The following ZNF827 variants were observed in gnomAD, a reference collection of about 807,000 sequenced individuals.
The protein encoded by ZNF827 is zinc finger protein 827.
A neutral mutation model predicts 102.4 loss-of-function variants in ZNF827; 13 were observed. The observed-to-expected ratio is 0.13, with a 90% CI of 0.08 to 0.20. The LOEUF (loss-of-function observed/expected upper bound fraction) is 0.20, where lower values mean the gene tolerates loss of function less well. Among genes scored for constraint, ZNF827 ranks in the 10% least tolerant of loss-of-function variants. The pLI is 1.00. For missense variants in ZNF827, 1,103 were observed against 1,344.4 expected (o/e 0.82, Z 2.81); for synonymous variants, 523 against 536.2 (o/e 0.98, Z 0.34).
chr4:145,878,559 AGACAGGACAGGACAG>A (rs1215402706), intron 4 of ZNF827, among the ~76,000 whole-genome samples: 9 of 123,744 alleles, frequency 7.3e-5, no homozygotes, highest in Middle Eastern at 4.1e-3. Context: ...AAAAAAGACA[AGACAGGACAGGACAG>A]GACAGGACAG....
rs909093690 is a variant in ZNF827, at chr4:145,902,428, G to C, written c.831C>G (p.Ser277=). The change falls in exon 2 of 15, where the codon TCC becomes TCG. Residue 277 remains serine, a synonymous_variant. Coordinates refer to ENST00000508784, the MANE Select transcript of ZNF827 (RefSeq NM_001306215.2). The surrounding 1 kb of genome is among the most constrained non-coding windows in gnomAD (Gnocchi z 4.3). The part of the protein sequence containing the change: ...PGQEHPPPAS[S]FLSLASMTSS... ...AGGTCATAGAAGCCAGGGAAAGGAA[G>C]GAGCTGGCCGGTGGAGGGTGCTCCT... The C allele has an allele frequency of 3.1e-6, 5 of 1,614,206 alleles. No homozygotes were observed. The East Asian group carries it at 8.9e-5, about 29-fold the overall frequency.
rs1477968283 is a variant in ZNF827 at position 145,834,637 on chromosome 4, T to C, written c.2280-11112A>G. Reference sequence around the variant, plus strand: ...AATGCTCCTTTTTCTTTATCCCAAATCAGATAGCGTTTAGGCTCTTTTTCA... The same window carrying C: ...AATGCTCCTTTTTCTTTATCCCAAACCAGATAGCGTTTAGGCTCTTTTTCA... On this transcript the variant is annotated intron_variant, in intron 7 of 14. Coordinates refer to ENST00000508784, the MANE Select transcript of ZNF827 (RefSeq NM_001306215.2). 6.6e-5 allele frequency among the ~76,000 whole-genome samples: 10 copies of C among 152,184 alleles called. No individual in the cohort carries two copies. The East Asian group carries it at 1.9e-3, about 29-fold the overall frequency.
chr4:145,794,497 G>C (rs1740167804), intron 8 of ZNF827, among the ~76,000 whole-genome samples: 1 of 152,060 alleles, frequency 6.6e-6, no homozygotes, highest in South Asian at 2.1e-4. Context: ...TACCAGCCTG[G>C]GCAACATGGC....
chr4:145,790,887 C>T (rs1202747318), intron 8 of ZNF827, among the ~76,000 whole-genome samples: 1 of 152,214 alleles, frequency 6.6e-6, no homozygotes, highest in African/African-American at 2.4e-5. Flanking sequence ...CACATTATAA[C>T]ATTTTTGTTA....
chr4:145,786,596 G>C (rs1046942951), intron 8 of ZNF827, among the ~76,000 whole-genome samples: 2 of 152,136 alleles, frequency 1.3e-5, no homozygotes, highest in African/African-American at 2.4e-5. Context: ...AAACCTACCA[G>C]GTCATTTTCC....
intron 8 of ZNF827, among the ~76,000 whole-genome samples, chr4:145,802,207 C>T (rs1740981871): frequency 6.6e-6 from 1 of 152,202 alleles, no homozygotes; most frequent in African/African-American, 2.4e-5. Flanking sequence ...TTTATCATTA[C>T]TTTAAGACTC....
chr4:145,853,599 A>C (rs1375544307), intron 5 of ZNF827, among the ~76,000 whole-genome samples: 1 of 152,036 alleles, frequency 6.6e-6, no homozygotes, highest in Non-Finnish European at 1.5e-5. Context: ...AAACAAACAA[A>C]CAACCCACAA....
chr4:145,901,017 T>C (rs961669689), intron 2 of ZNF827, among the ~76,000 whole-genome samples: 40 of 152,350 alleles, frequency 2.6e-4, no homozygotes, highest in Admixed American at 2.5e-3. Flanking sequence ...CGTTGTCTTC[T>C]GCTGTTGACT....
chr4:145,937,757 T>A (rs1030270072), intron 1 of ZNF827, among the ~76,000 whole-genome samples: 1 of 136,390 alleles, frequency 7.3e-6, no homozygotes, highest in Non-Finnish European at 1.6e-5. Context: ...CCGCCGCCGC[T>A]GCCGCCGGCG....
Position 145,903,095 on chromosome 4 carries a change from G to C in ZNF827, c.164C>G (p.Ser55Cys). ...YGEVQENYKLSLEDRIQEQST... is the reference protein window; with the variant it reads ...YGEVQENYKLCLEDRIQEQST... ...CTGCTCCTGGATCCGGTCCTCCAGAGACAACTTATAGTTCTCCTGGACTTC... is the reference window on the plus strand; with the variant it reads ...CTGCTCCTGGATCCGGTCCTCCAGACACAACTTATAGTTCTCCTGGACTTC... The change falls in exon 2 of 15, where the codon TCT (serine) becomes TGT (cysteine). Residue 55 changes from serine to cysteine, a missense_variant. Physicochemically the swap from Ser to Cys is moderately radical, Grantham distance 112 (BLOSUM62 -1). Coordinates refer to ENST00000508784, the MANE Select transcript of ZNF827 (RefSeq NM_001306215.2). 1 of 1,614,196 alleles carries C rather than the reference G, an allele frequency of 6.2e-7. No individual in the cohort carries two copies. The highest frequency in any genetic ancestry group is 1.6e-4 in the Middle Eastern group (1 of 6,062).
In ZNF827 at chr4:145,898,608, G is replaced by T. The variant is rs536682077; in HGVS notation, c.1093+3558C>A. Among the ~76,000 whole-genome samples the T allele has an allele frequency of 4.4e-4, 67 of 152,116 alleles. 1 individual carries two copies. Among genetic ancestry groups the T allele is most frequent in the Admixed American group, 2.0e-3 (30 of 15,282 alleles). Reference sequence around the variant, plus strand: ...AAACGGACATAATCTTCCCTCTATCGTGTCCCCTTTCAGAGGAGCCGTGTA... The same window carrying T: ...AAACGGACATAATCTTCCCTCTATCTTGTCCCCTTTCAGAGGAGCCGTGTA... On this transcript the variant is annotated intron_variant, in intron 2 of 14. Transcript: ENST00000508784.
chr4:145,774,710 A>G lies in ZNF827; in HGVS notation c.2694-38T>C, dbSNP rs576954879. On this transcript the variant is annotated intron_variant, in intron 10 of 14. Transcript: ENST00000508784. ...GTAAAAGAAAAGAGGGGGAGAGAAA[A>G]GGGTGACACATACTTCTAAATGTAG... 9.4e-6 allele frequency: 15 copies of G among 1,597,444 alleles called. No individual in the cohort carries two copies. In the African/African-American group the frequency reaches 1.7e-4, roughly 18 times the overall value.
chr4:145,810,015 A>G (rs1741853480), intron 8 of ZNF827, among the ~76,000 whole-genome samples: 1 of 152,244 alleles, frequency 6.6e-6, no homozygotes, highest in African/African-American at 2.4e-5. Context: ...AGGCAATTAC[A>G]TGATTATGAA....
At chr4:145,777,595 T>C (rs981340977) in intron 9 of ZNF827, among the ~76,000 whole-genome samples, 8 of 152,216 alleles carry the variant, frequency 5.3e-5, no homozygotes, top group Admixed American at 2.0e-4. Flanking sequence ...CTCCAATAAT[T>C]CTTTAACATC....
chr4:145,913,135 A>G (rs1752409534), intron 1 of ZNF827, among the ~76,000 whole-genome samples: 3 of 152,114 alleles, frequency 2.0e-5, no homozygotes, highest in Non-Finnish European at 4.4e-5. Flanking sequence ...TGAAAGGTTT[A>G]AAAAAATAGG....
chr4:145,922,386 T>G (rs1157016839), intron 1 of ZNF827, among the ~76,000 whole-genome samples: 1 of 152,202 alleles, frequency 6.6e-6, no homozygotes, highest in Non-Finnish European at 1.5e-5. Context: ...ACAAAAGCAA[T>G]GACGGGTAAA....
At chr4:145,833,433 G>A (rs1468428523) in intron 7 of ZNF827, among the ~76,000 whole-genome samples, 1 of 152,116 alleles carries the variant, frequency 6.6e-6, no homozygotes, top group African/African-American at 2.4e-5. Context: ...GACCACGCAG[G>A]GACGCCTGCC....
chr4:145,889,632 C>A (rs1750427429), intron 3 of ZNF827, among the ~76,000 whole-genome samples: 1 of 150,034 alleles, frequency 6.7e-6, no homozygotes, highest in Non-Finnish European at 1.5e-5. Flanking sequence ...CGGCTCACTG[C>A]AAGCTCCGCC....
At chr4:145,809,183 G>A (rs1741779666) in intron 8 of ZNF827, among the ~76,000 whole-genome samples, 1 of 152,246 alleles carries the variant, frequency 6.6e-6, no homozygotes, top group Non-Finnish European at 1.5e-5. Context: ...AACTTCCAGA[G>A]AGAGTTGGTG....
Sources: gnomAD v4.1 joint callset for allele counts (sites outside exome capture counted in the v4.1 genomes callset) on GRCh38, gnomAD v4.1.1 for gene constraint, Gnocchi (gnomAD v3.1) non-coding constraint, MANE v1.5 for transcripts, NCBI Gene and HGNC (gene_info 2026-07-23, HGNC 2026-07-21) for gene names.